CFAP77: variants seen among roughly 807,000 people sequenced by gnomAD.
CFAP77 encodes the protein cilia- and flagella-associated protein 77.
A neutral mutation model predicts 31.1 loss-of-function variants in CFAP77; 25 were observed. That is an observed-to-expected ratio of 0.80 (90% confidence interval 0.59 to 1.12). The LOEUF (loss-of-function observed/expected upper bound fraction) is 1.12. Among genes scored for constraint, CFAP77 ranks in the 50% most tolerant of loss-of-function variants. The pLI, the probability that CFAP77 is intolerant of heterozygous loss-of-function variation, is 0.00. For missense variants in CFAP77, 377 were observed against 397.3 expected, an observed-to-expected ratio of 0.95 and a Z score of 0.44; for synonymous variants, 151 against 159.9, an observed-to-expected ratio of 0.94 and a Z score of 0.42.
intron 5 of CFAP77, among the ~76,000 whole-genome samples, chr9:132,550,512 C>A (rs1243178218): frequency 1.4e-5 from 2 of 146,942 alleles, no homozygotes; most frequent in South Asian, 2.2e-4. Context: ...CAACATCTCC[C>A]TTGAAGCTTT....
Position 132,494,554 on chromosome 9 carries a change from G to T in CFAP77, c.196-4141G>T, listed in dbSNP as rs1046653733. On this transcript the variant is annotated intron_variant, in intron 1 of 5. Coordinates refer to ENST00000393216, the MANE Select transcript of CFAP77 (RefSeq NM_001282957.2). ...AATTGAGCTGCTATGTGCATCCTTA[G>T]ACATGTTCTTGGGTGGATGTACACA... 6.6e-5 allele frequency among the ~76,000 whole-genome samples: 10 copies of T among 152,232 alleles called. 1 individual carries two copies. The highest frequency in any genetic ancestry group is 1.2e-4 in the Non-Finnish European group (8 of 68,044).
At chr9:132,453,491 A>G (rs1240990799) in intron 1 of CFAP77, among the ~76,000 whole-genome samples, 1 of 152,230 alleles carries the variant, frequency 6.6e-6, no homozygotes, top group Non-Finnish European at 1.5e-5. Context: ...ACGCCATTGC[A>G]CTCCAGCCTG....
chr9:132,519,612 A>T (rs1564238234), intron 3 of CFAP77, among the ~76,000 whole-genome samples: 2 of 114,912 alleles, frequency 1.7e-5, no homozygotes, highest in African/African-American at 3.5e-5. Context: ...GGATGGATGG[A>T]TGGATGGTTG....
intron 1 of CFAP77, among the ~76,000 whole-genome samples, chr9:132,435,634 T>C (rs1247439290): frequency 6.6e-6 from 1 of 152,208 alleles, no homozygotes. Context: ...TACCGAGTGG[T>C]GTTTGGTAGA....
intron 3 of CFAP77, among the ~76,000 whole-genome samples, chr9:132,504,519 G>C (rs1357036152): frequency 6.6e-6 from 1 of 152,194 alleles, no homozygotes. Flanking sequence ...TTTCGTAGCA[G>C]ACATTAACAT....
At chr9:132,571,098 G>A (rs1044246533) in intron 5 of CFAP77, among the ~76,000 whole-genome samples, 7 of 151,834 alleles carry the variant, frequency 4.6e-5, no homozygotes, top group South Asian at 2.1e-4. Context: ...AACCTGCAGC[G>A]CCGTGGGCTT....
intron 1 of CFAP77, among the ~76,000 whole-genome samples, chr9:132,414,397 G>A (rs1025260900): frequency 1.8e-4 from 27 of 152,104 alleles, no homozygotes. Context: ...TGGGATACAT[G>A]CACACGTTTA....
chr9:132,410,491 T>G (rs966495796), intron 1 of CFAP77, 25 bp downstream of exon 1: 12 of 1,529,694 alleles, frequency 7.8e-6, no homozygotes, highest in Non-Finnish European at 9.6e-6. Context: ...CCCACCGCGC[T>G]TTCGCTGTCG....
intron 1 of CFAP77, among the ~76,000 whole-genome samples, chr9:132,459,420 G>GGTGTGTGTGTGTGTGTGTGT (rs112825234): frequency 1.4e-5 from 2 of 143,864 alleles, no homozygotes; most frequent in African/African-American, 2.6e-5. Context: ...GGATGAATAG[G>GGTGTGTGTGTGTGTGTGTGT]GTGTGTGTGT....
chr9:132,485,527 C>A (rs577003465), intron 1 of CFAP77, among the ~76,000 whole-genome samples: 9 of 152,146 alleles, frequency 5.9e-5, no homozygotes, highest in Non-Finnish European at 1.3e-4. Flanking sequence ...AGGCTGGCAG[C>A]GGCGGATCTC....
At chr9:132,492,143 C>T (rs544181383) in intron 1 of CFAP77, among the ~76,000 whole-genome samples, 1 of 152,222 alleles carries the variant, frequency 6.6e-6, no homozygotes. Context: ...TAAACATTAT[C>T]TGGGAGTGGT....
chr9:132,415,030 A>G (rs1299567735), intron 1 of CFAP77, among the ~76,000 whole-genome samples: 2 of 152,200 alleles, frequency 1.3e-5, no homozygotes, highest in African/African-American at 4.8e-5. Flanking sequence ...TATTTTTATT[A>G]CATTTGAGTA....
intron 1 of CFAP77, among the ~76,000 whole-genome samples, chr9:132,457,213 A>G (rs1219133537): frequency 7.1e-6 from 1 of 140,392 alleles, no homozygotes; most frequent in African/African-American, 2.7e-5. Flanking sequence ...GCCTGGGTCC[A>G]GTTGTGTGAT....
chr9:132,506,275 C>CT (rs1398552321), intron 3 of CFAP77, among the ~76,000 whole-genome samples: 4 of 152,198 alleles, frequency 2.6e-5, no homozygotes, highest in African/African-American at 9.7e-5. Flanking sequence ...ATGCTGCCAC[C>CT]CAAGGTCCGG....
intron 1 of CFAP77, among the ~76,000 whole-genome samples, chr9:132,454,749 A>G (rs1219505013): frequency 6.6e-6 from 1 of 152,222 alleles, no homozygotes; most frequent in Non-Finnish European, 1.5e-5. Context: ...TAACGTAGCC[A>G]GGGGCCAGCA....
In CFAP77 at chr9:132,480,916, G is replaced by A. The variant is rs879819181; in HGVS notation, c.196-17779G>A. 2.6e-5 allele frequency among the ~76,000 whole-genome samples: 4 copies of A among 152,072 alleles called. No individual in the cohort carries two copies. Among genetic ancestry groups the A allele is most frequent in the African/African-American group, 4.8e-5 (2 of 41,394 alleles). On this transcript the variant is annotated intron_variant, in intron 1 of 5. Transcript: ENST00000393216. The surrounding 1 kb of genome is among the most constrained non-coding windows in gnomAD (Gnocchi z 5.8). ...AGCAGAGGTGCCCCCATTGTGGTCCGGGGGCCCCTGTTATCAAAACAAGCC... is the reference window on the plus strand; with the variant it reads ...AGCAGAGGTGCCCCCATTGTGGTCCAGGGGCCCCTGTTATCAAAACAAGCC...
chr9:132,443,175 A>T (rs1850644673), intron 1 of CFAP77, among the ~76,000 whole-genome samples: 1 of 151,936 alleles, frequency 6.6e-6, no homozygotes, highest in Non-Finnish European at 1.5e-5. Context: ...AATTGTATAG[A>T]TATGCTGCAA....
At position 132,545,592 on chromosome 9, in the gene CFAP77, C is replaced by T. The variant is rs959558953; in HGVS notation, c.732+2545C>T. ...GGCCAAGGGAAATGGGGAATTGTGC[C>T]GGGTTCATCCCTGGATGCCACCCTG... On this transcript the variant is annotated intron_variant, in intron 5 of 5. Transcript: ENST00000393216. This position sits in a 1 kb window ranked among gnomAD's most constrained non-coding sequence, Gnocchi z 4.6. Among the ~76,000 whole-genome samples, 2 of 152,212 alleles carry T rather than the reference C, an allele frequency of 1.3e-5. No individual in the cohort carries two copies. The highest frequency in any genetic ancestry group is 4.8e-5 in the African/African-American group (2 of 41,444).
intron 4 of CFAP77, among the ~76,000 whole-genome samples, chr9:132,541,918 C>T (rs1323432564): frequency 2.6e-5 from 4 of 152,182 alleles, no homozygotes; most frequent in East Asian, 1.9e-4. Flanking sequence ...TACTGGGCCC[C>T]GCCCTTGGAA....
Sources: allele counts gnomAD v4.1 joint callset (sites outside exome capture counted in the v4.1 genomes callset), GRCh38; gene constraint gnomAD v4.1.1; non-coding constraint Gnocchi (gnomAD v3.1); transcripts MANE v1.5; gene names NCBI Gene and HGNC (gene_info 2026-07-23, HGNC 2026-07-21).